The following FUT8 variants were observed in gnomAD, a reference collection of about 807,000 sequenced individuals.
FUT8 encodes the protein alpha-(1,6)-fucosyltransferase.
Under a neutral mutation model 71.3 loss-of-function variants are expected in FUT8, and 29 were observed. The ratio of observed to expected loss-of-function variants is 0.41; its 90% CI spans 0.30 to 0.55. The LOEUF (loss-of-function observed/expected upper bound fraction) is 0.55, where lower values mean the gene tolerates loss of function less well. FUT8 is among the 20% of genes least tolerant of loss of function. FUT8 has a pLI of 0.34. For missense variants in FUT8, 544 were observed against 702.1 expected, an observed-to-expected ratio of 0.77 and a Z score of 2.55; for synonymous variants, 254 against 239.3, an observed-to-expected ratio of 1.06 and a Z score of -0.57.
intron 6 of FUT8, chr14:65,646,673 T>G (rs1306733354): frequency 6.6e-6 from 1 of 152,174 alleles, no homozygotes; most frequent in Non-Finnish European, 1.5e-5. Flanking sequence ...AATGACTTTT[T>G]TTTTTTTGGT....
chr14:65,386,108 C>T, the FUT8 span, among the ~76,000 whole-genome samples: 4 of 151,214 alleles, frequency 2.6e-5, no homozygotes, highest in East Asian at 7.9e-4. Context: ...GCAGAGACTG[C>T]GCCCTTGCAC....
chr14:65,677,151 T>TGTGTGTGTGTGTGTGCGTGCGC, intron 7 of FUT8, among the ~76,000 whole-genome samples: 1 of 110,702 alleles, frequency 9.0e-6, no homozygotes. Context: ...TGTGTGTGTG[T>TGTGTGTGTGTGTGTGCGTGCGC]GCGCGCGCGC....
chr14:65,624,891 C>G (rs894326636), intron 5 of FUT8, among the ~76,000 whole-genome samples: 3 of 152,122 alleles, frequency 2.0e-5, no homozygotes, highest in Non-Finnish European at 4.4e-5. Context: ...ATGGTGAAAC[C>G]CTGTCAATAC....
chr14:65,701,396 T>G (rs1894288288), intron 7 of FUT8, among the ~76,000 whole-genome samples: 1 of 152,234 alleles, frequency 6.6e-6, no homozygotes, highest in Admixed American at 6.5e-5. Context: ...AACCTCTTTG[T>G]GATAAATTTG....
At chr14:65,601,427 T>C (rs1465609670) in intron 3 of FUT8, among the ~76,000 whole-genome samples, 1 of 152,216 alleles carries the variant, frequency 6.6e-6, no homozygotes, top group Admixed American at 6.5e-5. Flanking sequence ...ATCTATAATT[T>C]ACTGAGTATA....
chr14:65,479,228 A>G (rs1342728328), intron 2 of FUT8, among the ~76,000 whole-genome samples: 1 of 152,240 alleles, frequency 6.6e-6, no homozygotes, highest in Non-Finnish European at 1.5e-5. Context: ...CATGGCGTCT[A>G]TATCCATACA....
chr14:65,581,344 C>T (rs1594786513), intron 3 of FUT8, among the ~76,000 whole-genome samples: 1 of 152,078 alleles, frequency 6.6e-6, no homozygotes, highest in Non-Finnish European at 1.5e-5. Flanking sequence ...AACAATGAGT[C>T]ATCTTTGGGA....
At chr14:65,573,795 A>G (rs75547508) in intron 3 of FUT8, among the ~76,000 whole-genome samples, 1,849 of 151,600 alleles carry the variant, frequency 0.012, 15 homozygotes, top group Middle Eastern at 0.024. Context: ...TCTTTTAATT[A>G]TTTATTTTAG....
At chr14:65,469,125 C>T (rs907779712) in intron 2 of FUT8, among the ~76,000 whole-genome samples, 11 of 152,196 alleles carry the variant, frequency 7.2e-5, no homozygotes, top group Middle Eastern at 3.4e-3. Context: ...GGCTACAGTG[C>T]GCTGTGAATC....
Position 65,412,833 on chromosome 14 carries a change from C to G in FUT8, c.-707C>G, listed in dbSNP as rs976343659. 2 of 167,028 alleles carry G rather than the reference C, an allele frequency of 1.2e-5. No homozygotes were observed. The highest frequency in any genetic ancestry group is 1.5e-4 in the South Asian group (1 of 6,840). The allele number at this position is 167,028 out of a possible 1,614,324, so 10.3% of individuals were successfully genotyped here. ...GTTATCTCCGGCCGACCCGAGCAGC[C>G]GGTTCCCTCCTCTCCAGGCCCCCTC... On this transcript the variant is annotated 5_prime_UTR_variant, in exon 1 of 11. Coordinates refer to ENST00000673929, the MANE Select transcript of FUT8 (RefSeq NM_001371533.1).
chr14:65,581,531 G>T (rs1454256944), intron 3 of FUT8, among the ~76,000 whole-genome samples: 3 of 152,070 alleles, frequency 2.0e-5, no homozygotes, highest in African/African-American at 7.2e-5. Context: ...GCTTTTGTAA[G>T]ACTTAACTCA....
At chr14:65,599,088 C>T (rs1283259260) in intron 3 of FUT8, among the ~76,000 whole-genome samples, 1 of 152,068 alleles carries the variant, frequency 6.6e-6, no homozygotes, top group African/African-American at 2.4e-5. Flanking sequence ...CACGCCTGGC[C>T]CAGAACATTT....
At chr14:65,531,608 C>T (rs533186598) in intron 2 of FUT8, among the ~76,000 whole-genome samples, 1 of 152,236 alleles carries the variant, frequency 6.6e-6, no homozygotes, top group East Asian at 1.9e-4. Context: ...ATTTCATTAC[C>T]TTTTACTATT....
At chr14:65,586,750 GT>G (rs1887406364) in intron 3 of FUT8, among the ~76,000 whole-genome samples, 1 of 152,102 alleles carries the variant, frequency 6.6e-6, no homozygotes, top group African/African-American at 2.4e-5. Context: ...CACTGAATTT[GT>G]GCTTCTATCA....
intron 7 of FUT8, among the ~76,000 whole-genome samples, chr14:65,672,645 GA>G (rs1892526811): frequency 6.6e-6 from 1 of 151,986 alleles, no homozygotes. Context: ...TTTTTTATTA[GA>G]AATAGGGTCT....
intron 2 of FUT8, among the ~76,000 whole-genome samples, chr14:65,558,719 G>A (rs1885736442): frequency 6.6e-6 from 1 of 152,094 alleles, no homozygotes; most frequent in African/African-American, 2.4e-5. Flanking sequence ...TTCTGTACTT[G>A]TTCTTTTAAA....
chr14:65,434,693 C>T (rs987187079), intron 1 of FUT8, among the ~76,000 whole-genome samples: 1 of 152,076 alleles, frequency 6.6e-6, no homozygotes, highest in Non-Finnish European at 1.5e-5. Flanking sequence ...CTGTGTTAAG[C>T]GTTTTACATT....
At chr14:65,680,434 C>G (rs1367668212) in intron 7 of FUT8, among the ~76,000 whole-genome samples, 1 of 152,140 alleles carries the variant, frequency 6.6e-6, no homozygotes, top group East Asian at 1.9e-4. Flanking sequence ...TTTGTTCTAG[C>G]CTTATCTGTT....
At chr14:65,666,058 A>G (rs1285930058) in intron 6 of FUT8, among the ~76,000 whole-genome samples, 1 of 151,976 alleles carries the variant, frequency 6.6e-6, no homozygotes, top group East Asian at 1.9e-4. Context: ...ATACAAACCT[A>G]CACGTGTACC....
Sources: allele counts gnomAD v4.1 joint callset (sites outside exome capture counted in the v4.1 genomes callset), GRCh38; gene constraint gnomAD v4.1.1; transcripts MANE v1.5; gene names NCBI Gene and HGNC (gene_info 2026-07-23, HGNC 2026-07-21).